The following ZFHX3 variants were observed in gnomAD, a reference collection of about 807,000 sequenced individuals.
ZFHX3 encodes the protein zinc finger homeobox protein 3.
A neutral mutation model predicts 279.1 loss-of-function variants in ZFHX3; 42 were observed. That is an observed-to-expected ratio of 0.15 (90% CI 0.12 to 0.19). The LOEUF (loss-of-function observed/expected upper bound fraction) is 0.19. Among genes scored for constraint, ZFHX3 ranks in the 10% least tolerant of loss-of-function variants. ZFHX3 has a pLI of 1.00. For synonymous variants in ZFHX3, 2,293 were observed against 1,957.8 expected (o/e 1.17, Z -4.52); for missense variants, 4,981 against 4,754.0 (o/e 1.05, Z -1.40).
chr16:73,332,405 A>G (rs1422127011), intron 3 of ZFHX3, among the ~76,000 whole-genome samples: 1 of 152,228 alleles, frequency 6.6e-6, no homozygotes, highest in African/African-American at 2.4e-5. Context: ...CAAGGATGTC[A>G]GGATGCCCAA....
chr16:73,453,408 G>A (rs1167480184), intron 3 of ZFHX3, among the ~76,000 whole-genome samples: 1 of 152,138 alleles, frequency 6.6e-6, no homozygotes, highest in Non-Finnish European at 1.5e-5. Flanking sequence ...CCTCAACATG[G>A]AACATTTGCT....
At chr16:73,145,204 G>A (rs1024193929) in intron 5 of ZFHX3, among the ~76,000 whole-genome samples, 2 of 152,292 alleles carry the variant, frequency 1.3e-5, no homozygotes, top group East Asian at 3.9e-4. Flanking sequence ...TGTTGGGGGA[G>A]CAGGGGTGAC....
chr16:73,404,134 G>A (rs117818955), intron 3 of ZFHX3, among the ~76,000 whole-genome samples: 1,971 of 152,262 alleles, frequency 0.013, 28 homozygotes, highest in Middle Eastern at 0.041. Context: ...GTTAGCCAAG[G>A]ATCCAGTTTC....
At chr16:72,836,430 G>A (rs770898240) in intron 4 of ZFHX3, among the ~76,000 whole-genome samples, 20 of 152,134 alleles carry the variant, frequency 1.3e-4, no homozygotes, top group Non-Finnish European at 1.9e-4. Flanking sequence ...CTAGATGCCC[G>A]AGAGGTAACT....
intron 2 of ZFHX3, among the ~76,000 whole-genome samples, chr16:73,495,384 TGGA>T (rs2019125598): frequency 6.6e-6 from 1 of 152,206 alleles, no homozygotes; most frequent in Non-Finnish European, 1.5e-5. Context: ...ATCTAGGAGT[TGGA>T]TGCAAACGAA....
intron 3 of ZFHX3, among the ~76,000 whole-genome samples, chr16:72,890,820 A>G (rs1226087733): frequency 6.6e-6 from 1 of 152,260 alleles, no homozygotes; most frequent in Non-Finnish European, 1.5e-5. Context: ...ACGTCCATTG[A>G]TTTACATACT....
chr16:73,481,939 A>C (rs1000085510), intron 2 of ZFHX3, among the ~76,000 whole-genome samples: 7 of 152,282 alleles, frequency 4.6e-5, no homozygotes, highest in South Asian at 4.1e-4. Flanking sequence ...TGTTGTCATG[A>C]TGACCCCATA....
At chr16:73,677,428 A>AAAC (rs370530843) in intron 2 of ZFHX3, among the ~76,000 whole-genome samples, 3,929 of 151,894 alleles carry the variant, frequency 0.026, 56 homozygotes, top group Non-Finnish European at 0.04. Flanking sequence ...TTTTATTAAT[A>AAAC]AACAACAACA....
At chr16:73,417,966 G>A (rs2017625960) in intron 3 of ZFHX3, among the ~76,000 whole-genome samples, 2 of 126,612 alleles carry the variant, frequency 1.6e-5, no homozygotes, top group East Asian at 2.6e-4. Flanking sequence ...TCCAGCCTGG[G>A]CAACAGAGCG....
chr16:73,030,463 G>A (rs1444887729), intron 1 of ZFHX3, among the ~76,000 whole-genome samples: 1 of 152,246 alleles, frequency 6.6e-6, no homozygotes, highest in East Asian at 1.9e-4. Context: ...TGTAATTGGT[G>A]AGGCAGGAGA....
At chr16:73,167,411 A>C (rs1455883930) in intron 5 of ZFHX3, among the ~76,000 whole-genome samples, 2 of 152,262 alleles carry the variant, frequency 1.3e-5, no homozygotes, top group East Asian at 3.8e-4. Context: ...CCTCAGAGAG[A>C]AGAACTTAAG....
intron 2 of ZFHX3, among the ~76,000 whole-genome samples, chr16:73,654,688 C>T (rs1225704228): frequency 6.6e-6 from 1 of 151,420 alleles, no homozygotes; most frequent in African/African-American, 2.4e-5. Context: ...ATGTATTTTA[C>T]ATTGATAGAT....
chr16:73,433,214 G>C (rs1184731080), intron 3 of ZFHX3, among the ~76,000 whole-genome samples: 5 of 152,194 alleles, frequency 3.3e-5, no homozygotes, highest in Non-Finnish European at 7.4e-5. Context: ...CCAGACAGCG[G>C]CATGTCCCCT....
chr16:72,973,916 C>T (rs1401196751), intron 1 of ZFHX3: 1 of 152,092 alleles, frequency 6.6e-6, no homozygotes, highest in East Asian at 1.9e-4. Flanking sequence ...CAGGTATGAA[C>T]TACATGCAAG....
chr16:73,541,385 C>T (rs1044303878), intron 2 of ZFHX3, among the ~76,000 whole-genome samples: 8 of 152,032 alleles, frequency 5.3e-5, no homozygotes, highest in Non-Finnish European at 1.2e-4. Flanking sequence ...ACTCAAGAGG[C>T]TAAGGTGGCA....
At chr16:73,585,550 T>C (rs1168170509) in intron 2 of ZFHX3, among the ~76,000 whole-genome samples, 1 of 152,104 alleles carries the variant, frequency 6.6e-6, no homozygotes, top group Non-Finnish European at 1.5e-5. Flanking sequence ...CCATGACACA[T>C]GTTTACCTAT....
intron 2 of ZFHX3, among the ~76,000 whole-genome samples, chr16:73,472,207 C>A (rs2018679809): frequency 6.6e-6 from 1 of 151,690 alleles, no homozygotes. Flanking sequence ...AGCCCCACAG[C>A]CGCCTGGAAC....
chr16:73,837,920 G>T (rs1041462613), intron 1 of ZFHX3, among the ~76,000 whole-genome samples: 2 of 152,174 alleles, frequency 1.3e-5, no homozygotes, highest in African/African-American at 4.8e-5. Context: ...ACAGGTTTGA[G>T]CCACCGCACC....
intron 4 of ZFHX3, among the ~76,000 whole-genome samples, chr16:72,880,213 C>G (rs2038426140): frequency 6.6e-6 from 1 of 152,126 alleles, no homozygotes; most frequent in Admixed American, 6.5e-5. Flanking sequence ...TCCTGCCCCA[C>G]CCAAAGTGAC....
Sources: gnomAD v4.1 joint callset for allele counts (sites outside exome capture counted in the v4.1 genomes callset) on GRCh38, gnomAD v4.1.1 for gene constraint, MANE v1.5 for transcripts, NCBI Gene and HGNC (gene_info 2026-07-23, HGNC 2026-07-21) for gene names.